Variants in RAB11FIP4 observed in about 807,000 individuals in gnomAD.
RAB11FIP4 encodes rab11 family-interacting protein 4.
A neutral mutation model predicts 74.3 loss-of-function variants in RAB11FIP4; 23 were observed. The ratio of observed to expected loss-of-function variants is 0.31; its 90% CI spans 0.22 to 0.44. The LOEUF is 0.44. Ranked by LOEUF, RAB11FIP4 falls within the 20% of genes least tolerant of loss-of-function variation. The pLI is 1.00. For missense variants in RAB11FIP4, 630 were observed against 863.9 expected, an observed-to-expected ratio of 0.73 and a Z score of 3.39; for synonymous variants, 360 against 359.9, an observed-to-expected ratio of 1.00 and a Z score of 0.00.
At position 31,431,821 on chromosome 17, in the gene RAB11FIP4, A is replaced by C. The variant is rs761186820; in HGVS notation, c.168A>C (p.Lys56Asn). 6.2e-7 allele frequency: 1 copy of C among 1,613,044 alleles called. No homozygotes were observed. Among genetic ancestry groups the C allele is most frequent in the Non-Finnish European group, 8.5e-7 (1 of 1,179,328 alleles). The change falls in exon 2 of 15, where the codon AAA becomes AAC. Residue 56 changes from lysine to asparagine, a missense_variant. By Grantham distance (94) the Lys-to-Asn change is moderately conservative. Transcript: ENST00000621161. ...CTGCTTCATTCCCACAGGTGGAAAAACTTGTGAAATATTTGGATCCCAACG... is the reference window on the plus strand; with the variant it reads ...CTGCTTCATTCCCACAGGTGGAAAACCTTGTGAAATATTTGGATCCCAACG... ...LRFGQGEEVE[K>N]LVKYLDPNDL...
In RAB11FIP4 at chr17:31,532,980, T is replaced by G. The variant is rs1449264775; in HGVS notation, c.*1248T>G. The G allele has an allele frequency of 1.3e-5, 2 of 152,226 alleles. No individual in the cohort carries two copies. Among genetic ancestry groups the G allele is most frequent in the South Asian group, 4.1e-4 (2 of 4,836 alleles). 9.4% of individuals were successfully genotyped at this position (152,226 alleles called of 1,614,324 possible). On this transcript the variant is annotated 3_prime_UTR_variant, in exon 15 of 15. Transcript: ENST00000621161. ...TGGTACTTACCTTAGAGTTTTCCAA[T>G]TTATCTCAATTTTATATGGCTTGTG...
chr17:31,530,461 C>T lies in RAB11FIP4; in HGVS notation c.1789C>T (p.Arg597Cys), dbSNP rs771602359. 72 of 1,613,370 alleles carry T rather than the reference C, an allele frequency of 4.5e-5. No homozygotes were observed. The highest frequency in any genetic ancestry group is 5.8e-5 in the Non-Finnish European group (68 of 1,179,570). Residue 597 changes from arginine (R) to cysteine (C), a missense_variant, in exon 14 of 15, where the codon CGC (arginine) becomes TGC (cysteine). Physicochemically the swap from Arg to Cys is radical, Grantham distance 180. Transcript: ENST00000621161. ...GGCTGCGGAGATAGACACCGCCTCGCGCGATGAGGTAACCACACCACCGGC... is the reference window on the plus strand; with the variant it reads ...GGCTGCGGAGATAGACACCGCCTCGTGCGATGAGGTAACCACACCACCGGC... Reference protein sequence around the residue: ...SLAAEIDTASRDELMEALKEQ... With the variant: ...SLAAEIDTASCDELMEALKEQ...
At chr17:31,400,706 T>C (rs2151614462) in intron 1 of RAB11FIP4, among the ~76,000 whole-genome samples, 1 of 152,286 alleles carries the variant, frequency 6.6e-6, no homozygotes, top group African/African-American at 2.4e-5. Flanking sequence ...GAGGAGACTT[T>C]GGAGACAAGC....
chr17:31,524,058 C>A, intron 9 of RAB11FIP4, 62 bp downstream of exon 9: 1 of 1,219,016 alleles, frequency 8.2e-7, no homozygotes, highest in Admixed American at 2.0e-5. Flanking sequence ...GGGGGTCCAT[C>A]TTGCTAAGAC....
chr17:31,474,668 CAAAA>C (rs3058692), intron 3 of RAB11FIP4, among the ~76,000 whole-genome samples: 17 of 135,792 alleles, frequency 1.3e-4, no homozygotes, highest in Admixed American at 1.5e-4. Flanking sequence ...GACTCCATCT[CAAAA>C]AAAAAAAAAA....
At position 31,461,828 on chromosome 17, in the gene RAB11FIP4, G is replaced by A. The variant is rs529143642; in HGVS notation, c.336+27706G>A. On this transcript the variant is annotated intron_variant, in intron 3 of 14. Coordinates refer to ENST00000621161, the MANE Select transcript of RAB11FIP4 (RefSeq NM_032932.6). ...AGAATCTCACTACAGATACAGAATCGAAACCCATTTCTACTGAATGGGAAT... is the reference window on the plus strand; with the variant it reads ...AGAATCTCACTACAGATACAGAATCAAAACCCATTTCTACTGAATGGGAAT... Among the ~76,000 whole-genome samples the A allele has an allele frequency of 1.3e-4, 20 of 151,926 alleles. No individual in the cohort carries two copies. The East Asian group carries it at 2.7e-3, about 21-fold the overall frequency.
chr17:31,463,958 G>A (rs2071658760), intron 3 of RAB11FIP4, among the ~76,000 whole-genome samples: 1 of 150,202 alleles, frequency 6.7e-6, no homozygotes, highest in Non-Finnish European at 1.5e-5. Context: ...GACTACAGGT[G>A]CATGCCACCA....
At chr17:31,465,119 A>G (rs1272090372) in intron 3 of RAB11FIP4, among the ~76,000 whole-genome samples, 2 of 152,038 alleles carry the variant, frequency 1.3e-5, no homozygotes, top group African/African-American at 4.8e-5. Context: ...TGACATATTC[A>G]TCTTACAGAT....
At chr17:31,452,653 G>A (rs1020761036) in intron 3 of RAB11FIP4, among the ~76,000 whole-genome samples, 1 of 152,182 alleles carries the variant, frequency 6.6e-6, no homozygotes, top group Non-Finnish European at 1.5e-5. Flanking sequence ...CGCGGAAAGA[G>A]CCAGAGGGGT....
At chr17:31,464,657 G>A (rs972258291) in intron 3 of RAB11FIP4, among the ~76,000 whole-genome samples, 3 of 150,604 alleles carry the variant, frequency 2.0e-5, no homozygotes, top group Admixed American at 1.3e-4. Context: ...CACCATGTTG[G>A]TCAGGCTGGT....
intron 9 of RAB11FIP4, 52 bp downstream of exon 9, chr17:31,524,048 G>T (rs765985135): frequency 1.6e-5 from 22 of 1,369,438 alleles, no homozygotes; most frequent in Middle Eastern, 2.1e-4. Context: ...GGGAACAAAG[G>T]GGGGTCCATC....
intron 3 of RAB11FIP4, among the ~76,000 whole-genome samples, chr17:31,471,675 A>C (rs1169961873): frequency 3.3e-5 from 5 of 152,006 alleles, no homozygotes; most frequent in African/African-American, 1.2e-4. Flanking sequence ...GCTGGGGGAC[A>C]GTCTGGGTGT....
intron 3 of RAB11FIP4, among the ~76,000 whole-genome samples, chr17:31,445,380 G>A (rs571913661): frequency 6.6e-6 from 1 of 151,470 alleles, no homozygotes; most frequent in East Asian, 1.9e-4. Context: ...TTGAAAGTTA[G>A]TTGCGGACAT....
At chr17:31,524,144 GC>G in intron 9 of RAB11FIP4, 148 bp downstream of exon 9, 1 of 639,412 alleles carries the variant, frequency 1.6e-6, no homozygotes, top group Non-Finnish European at 2.8e-6. Flanking sequence ...ACATGGCCCT[GC>G]CCACATGTGG....
chr17:31,515,953 G>A (rs970385285), intron 3 of RAB11FIP4, among the ~76,000 whole-genome samples: 6 of 152,180 alleles, frequency 3.9e-5, no homozygotes, highest in Non-Finnish European at 7.4e-5. Context: ...CACAAGCAAC[G>A]CTCAGAAGTG....
At position 31,434,072 on chromosome 17, in the gene RAB11FIP4, A is replaced by G; in HGVS notation, c.286A>G (p.Ser96Gly). The G allele has an allele frequency of 1.3e-6, 2 of 1,587,296 alleles. No individual in the cohort carries two copies. Among genetic ancestry groups the G allele is most frequent in the East Asian group, 2.3e-5 (1 of 44,284 alleles). ...GCTGAAGGATGTGCTGTCGGTGGAG[A>G]GCGCGGGGACGCTGCCGTGCGCGCC... ...ELLKDVLSVE[S>G]AGTLPCAPEI... The change falls in exon 3 of 15, where the codon AGC becomes GGC. Residue 96 changes from serine to glycine, a missense_variant. Physicochemically the swap from Ser to Gly is moderately conservative, Grantham distance 56. Transcript: ENST00000621161.
intron 9 of RAB11FIP4, chr17:31,524,857 C>A: frequency 1.7e-6 from 1 of 605,612 alleles, no homozygotes; most frequent in Non-Finnish European, 2.9e-6. Context: ...CCTGTGCTGC[C>A]CTGAGCGCCC....
chr17:31,531,755 A>C lies in RAB11FIP4; in HGVS notation c.*23A>C. 1 of 1,536,562 alleles carries C rather than the reference A, an allele frequency of 6.5e-7. No homozygotes were observed. ...TAAGGCACGGGGCTGGCTGCAGAGC[A>C]GCCTTAGGACCCTGGGACCAAGGGC... is the stretch of plus-strand genomic sequence containing the variant. On this transcript the variant is annotated 3_prime_UTR_variant, in exon 15 of 15. Transcript: ENST00000621161.
chr17:31,485,909 C>T (rs1465014554), intron 3 of RAB11FIP4, among the ~76,000 whole-genome samples: 2 of 152,256 alleles, frequency 1.3e-5, no homozygotes, highest in Admixed American at 6.5e-5. Flanking sequence ...TGGTATGATA[C>T]ACCACATAGG....
Sources: allele counts gnomAD v4.1 joint callset (sites outside exome capture counted in the v4.1 genomes callset), GRCh38; gene constraint gnomAD v4.1.1; transcripts MANE v1.5; gene names NCBI Gene and HGNC (gene_info 2026-07-23, HGNC 2026-07-21).